Variants in ST3GAL5 observed in about 807,000 individuals in gnomAD.
The protein encoded by ST3GAL5 is ST3 beta-galactoside alpha-2,3-sialyltransferase 5, also known as lactosylceramide alpha-2,3-sialyltransferase.
A neutral mutation model predicts 46.1 loss-of-function variants in ST3GAL5; 25 were observed. The observed-to-expected ratio is 0.54, with a 90% CI of 0.40 to 0.76. The LOEUF (loss-of-function observed/expected upper bound fraction) is 0.76. ST3GAL5 is among the 30% of genes least tolerant of loss of function. The probability of loss-of-function intolerance (pLI) is 0.00; values close to 1 mark genes in which losing one functional copy is unlikely to be tolerated. For synonymous variants in ST3GAL5, 182 were observed against 192.7 expected (o/e 0.94, Z 0.46); for missense variants, 431 against 521.2 (o/e 0.83, Z 1.69).
rs558002857 is a variant in ST3GAL5, at chr2:85,837,640, G to C, written c.*2504C>G. The C allele has an allele frequency of 1.3e-5, 2 of 152,216 alleles. No individual in the cohort carries two copies. Among genetic ancestry groups the C allele is most frequent in the African/African-American group, 4.8e-5 (2 of 41,516 alleles). 9.4% of individuals were successfully genotyped at this position (152,216 alleles called of 1,614,324 possible). On this transcript the variant is annotated 3_prime_UTR_variant, in exon 7 of 7. Transcript: ENST00000638572. ...ACAGATATCCCAGTTACACAGATTT[G>C]CTCCTTATAATTACACAAATGTATT...
intron 1 of ST3GAL5, among the ~76,000 whole-genome samples, chr2:85,876,619 C>A (rs1169670175): frequency 6.6e-6 from 1 of 152,008 alleles, no homozygotes; most frequent in Non-Finnish European, 1.5e-5. Flanking sequence ...CGTGCCACCG[C>A]ACCCAGCTAA....
intron 2 of ST3GAL5, among the ~76,000 whole-genome samples, chr2:85,863,012 C>T (rs1684887489): frequency 6.6e-6 from 1 of 152,136 alleles, no homozygotes; most frequent in Non-Finnish European, 1.5e-5. Flanking sequence ...ATTTAATTAA[C>T]CATATTTTAG....
Position 85,837,801 on chromosome 2 carries a change from C to G in ST3GAL5, c.*2343G>C, listed in dbSNP as rs1681622258. ...GTTAAAATACAGAACATGTGTAAGTCTTCCTAAGTTGCCTCAGAACCAGTG... is the reference window on the plus strand; with the variant it reads ...GTTAAAATACAGAACATGTGTAAGTGTTCCTAAGTTGCCTCAGAACCAGTG... On this transcript the variant is annotated 3_prime_UTR_variant, in exon 7 of 7. Transcript: ENST00000638572. The G allele has an allele frequency of 6.6e-6, 1 of 152,216 alleles. No homozygotes were observed. Among genetic ancestry groups the G allele is most frequent in the African/African-American group, 2.4e-5 (1 of 41,450 alleles). 9.4% of individuals were successfully genotyped at this position (152,216 alleles called of 1,614,324 possible).
intron 1 of ST3GAL5, among the ~76,000 whole-genome samples, chr2:85,878,779 C>T (rs1009816772): frequency 1.8e-4 from 28 of 152,098 alleles, no homozygotes; most frequent in African/African-American, 5.8e-4. Context: ...TACCAAATAA[C>T]GCTGTGATAG....
rs1165731455 is a variant in ST3GAL5, at chr2:85,838,543, G to C, written c.*1601C>G. The stretch of plus-strand genomic sequence containing the variant: ...TCTCTTAAACAAGCAGTAGCTTATA[G>C]AGTAGGAAATAAAATTCATACAAAA... On this transcript the variant is annotated 3_prime_UTR_variant, in exon 7 of 7. Transcript: ENST00000638572. 6.6e-6 allele frequency: 1 copy of C among 152,188 alleles called. No homozygotes were observed. The highest frequency in any genetic ancestry group is 6.5e-5 in the Admixed American group (1 of 15,276). The allele number at this position is 152,188 out of a possible 1,614,324, so 9.4% of individuals were successfully genotyped here. A position where few individuals can be genotyped will look rare whatever the true frequency, so the allele number is the denominator to read the frequency against.
intron 1 of ST3GAL5, among the ~76,000 whole-genome samples, chr2:85,866,907 T>G (rs1451856476): frequency 6.6e-6 from 1 of 152,226 alleles, no homozygotes; most frequent in Admixed American, 6.5e-5. Flanking sequence ...TCAAACAAGA[T>G]AAACTTCCAA....
intron 3 of ST3GAL5, chr2:85,851,689 C>T (rs1408182109): frequency 3.1e-6 from 4 of 1,289,434 alleles, no homozygotes; most frequent in Non-Finnish European, 4.0e-6. Flanking sequence ...AAGGCGAGTG[C>T]CGCACCTTCA....
intron 1 of ST3GAL5, among the ~76,000 whole-genome samples, chr2:85,870,742 T>C (rs1444881810): frequency 2.6e-5 from 4 of 151,582 alleles, no homozygotes; most frequent in African/African-American, 4.9e-5. Context: ...AATGGCACCA[T>C]CTTGGCTCAC....
intron 3 of ST3GAL5, chr2:85,852,746 GA>G: frequency 1.9e-4 from 104 of 555,202 alleles, no homozygotes; most frequent in Middle Eastern, 1.1e-3. Flanking sequence ...TCAACTGTTA[GA>G]AAAAAAAATA....
At chr2:85,856,584 T>C (rs1684134470) in intron 3 of ST3GAL5, 2 of 152,034 alleles carry the variant, frequency 1.3e-5, no homozygotes, top group African/African-American at 4.8e-5. Context: ...CTTTTTTTTT[T>C]CTCAGTGTCT....
chr2:85,840,338 C>T lies in ST3GAL5; in HGVS notation c.1063G>A (p.Glu355Lys), dbSNP rs534438354. The change falls in exon 7 of 7, where the codon GAA becomes AAA. Residue 355 changes from glutamate (E) to lysine (K), a missense_variant. Transcript: ENST00000638572. Reference sequence around the variant, plus strand: ...TATCCAAAACCCGCCAAACTGACTTCATCGCACAGATGTGTGGCTAAGACA... The same window carrying T: ...TATCCAAAACCCGCCAAACTGACTTTATCGCACAGATGTGTGGCTAAGACA... ...AVVLATHLCD[E>K]VSLAGFGYDL... 32 of 1,614,062 alleles carry T rather than the reference C, an allele frequency of 2.0e-5. No individual in the cohort carries two copies. The African/African-American group carries it at 4.3e-4, about 22-fold the overall frequency.
intron 1 of ST3GAL5, among the ~76,000 whole-genome samples, chr2:85,864,106 T>C (rs1275489566): frequency 6.6e-6 from 1 of 152,106 alleles, no homozygotes; most frequent in Non-Finnish European, 1.5e-5. Flanking sequence ...GATATGGCTA[T>C]AAAAGGGCAA....
chr2:85,857,272 C>A (rs914264930), intron 3 of ST3GAL5, among the ~76,000 whole-genome samples: 3 of 151,652 alleles, frequency 2.0e-5, no homozygotes, highest in Non-Finnish European at 4.4e-5. Context: ...CTCAGTGGCT[C>A]ATGCCTGTCA....
intron 3 of ST3GAL5, chr2:85,854,688 A>G (rs1407062544): frequency 6.6e-6 from 1 of 152,206 alleles, no homozygotes; most frequent in Non-Finnish European, 1.5e-5. Context: ...TTCAAGTACT[A>G]TCTCCCCTTC....
chr2:85,844,656 C>T, intron 5 of ST3GAL5, 102 bp from the exon 6 acceptor site: 1 of 1,491,066 alleles, frequency 6.7e-7, no homozygotes, highest in South Asian at 1.1e-5. Flanking sequence ...CCATGTGGCC[C>T]TGTGCACTGC....
chr2:85,852,646 T>C (rs1189415327), intron 3 of ST3GAL5, among the ~76,000 whole-genome samples: 2 of 152,120 alleles, frequency 1.3e-5, no homozygotes, highest in African/African-American at 2.4e-5. Flanking sequence ...TAAAGCGGGA[T>C]TGTGGTGACA....
intron 1 of ST3GAL5, among the ~76,000 whole-genome samples, chr2:85,864,341 G>A (rs1290868081): frequency 2.6e-5 from 4 of 151,970 alleles, no homozygotes; most frequent in Non-Finnish European, 4.4e-5. Context: ...ACCTTTTAGA[G>A]CTACATACAG....
At chr2:85,879,909 G>A (rs935584533) in intron 1 of ST3GAL5, among the ~76,000 whole-genome samples, 5 of 152,166 alleles carry the variant, frequency 3.3e-5, no homozygotes, top group African/African-American at 9.7e-5. Context: ...TCCCACTGCC[G>A]CAGAAAGCAT....
chr2:85,857,862 G>C (rs1684311847), intron 3 of ST3GAL5, among the ~76,000 whole-genome samples: 1 of 152,152 alleles, frequency 6.6e-6, no homozygotes, highest in African/African-American at 2.4e-5. Flanking sequence ...CACAACCAGG[G>C]AAACAGGAAG....
Sources: gnomAD v4.1 joint callset for allele counts (sites outside exome capture counted in the v4.1 genomes callset) on GRCh38, gnomAD v4.1.1 for gene constraint, MANE v1.5 for transcripts, NCBI Gene and HGNC (gene_info 2026-07-23, HGNC 2026-07-21) for gene names.